Variants in IDE observed in about 807,000 individuals in gnomAD.
The protein encoded by IDE is insulin-degrading enzyme.
In IDE, 58 loss-of-function variants were observed where a neutral mutation model predicts 133.2. The ratio of observed to expected loss-of-function variants is 0.44; its 90% CI spans 0.35 to 0.54. The LOEUF (loss-of-function observed/expected upper bound fraction) is 0.54. IDE is among the 20% of genes least tolerant of loss of function. IDE has a pLI of 0.00. For missense variants in IDE, 981 were observed against 1,234.0 expected (o/e 0.79, Z 3.07); for synonymous variants, 396 against 421.3 (o/e 0.94, Z 0.73).
chr10:92,545,961 G>A (rs559790554), intron 1 of IDE, among the ~76,000 whole-genome samples: 1 of 152,250 alleles, frequency 6.6e-6, no homozygotes, highest in African/African-American at 2.4e-5. Context: ...GCATTTATAT[G>A]TTCATAGCAA....
intron 2 of IDE, among the ~76,000 whole-genome samples, chr10:92,536,189 C>CCTGG (rs1564659175): frequency 1.3e-5 from 2 of 151,628 alleles, no homozygotes; most frequent in Admixed American, 6.6e-5. Flanking sequence ...TCGAGACCAG[C>CCTGG]CTGGCCAACG....
intron 1 of IDE, among the ~76,000 whole-genome samples, chr10:92,546,422 G>A (rs1842536105): frequency 6.6e-6 from 1 of 152,092 alleles, no homozygotes; most frequent in South Asian, 2.1e-4. Context: ...TAAAATAAAA[G>A]GAAGGGGGAG....
chr10:92,570,054 G>A (rs2135852482), intron 1 of IDE, among the ~76,000 whole-genome samples: 1 of 151,850 alleles, frequency 6.6e-6, no homozygotes, highest in South Asian at 2.1e-4. Context: ...AAGTTGCAGT[G>A]AGCCAAGATC....
At chr10:92,490,764 G>A (rs75241628) in intron 11 of IDE, among the ~76,000 whole-genome samples, 169 bp from the exon 12 acceptor site, 5,909 of 152,138 alleles carry the variant, frequency 0.039, 183 homozygotes, top group Middle Eastern at 0.088. Context: ...ATGAATAGAG[G>A]TTTCTGATCA....
intron 1 of IDE, among the ~76,000 whole-genome samples, chr10:92,554,134 C>T (rs1230518418): frequency 6.6e-6 from 1 of 152,168 alleles, no homozygotes. Context: ...TCACCTTGAT[C>T]AAGTGAGATT....
chr10:92,527,308 T>A (rs1221531145), intron 4 of IDE, among the ~76,000 whole-genome samples: 2 of 152,200 alleles, frequency 1.3e-5, no homozygotes, highest in Non-Finnish European at 2.9e-5. Flanking sequence ...TCTACTTGTA[T>A]CTTCATGCAC....
chr10:92,475,052 A>C (rs35223317), intron 16 of IDE, 91 bp from the exon 17 acceptor site: 19,381 of 955,436 alleles, frequency 0.02, 253 homozygotes, highest in Admixed American at 0.058. Context: ...ATTCTCTATA[A>C]ACTGTATTAC....
At chr10:92,513,685 C>G (rs1327778134) in intron 5 of IDE, among the ~76,000 whole-genome samples, 1 of 149,972 alleles carries the variant, frequency 6.7e-6, no homozygotes, top group Non-Finnish European at 1.5e-5. Context: ...GTTATATATG[C>G]ACATATAAGA....
At chr10:92,540,680 G>A (rs145542513) in intron 1 of IDE, among the ~76,000 whole-genome samples, 2 of 152,028 alleles carry the variant, frequency 1.3e-5, no homozygotes, top group East Asian at 3.9e-4. Flanking sequence ...TGATGATGAT[G>A]GTCTAAAACT....
At chr10:92,535,826 G>A (rs952599114) in intron 2 of IDE, among the ~76,000 whole-genome samples, 1 of 151,952 alleles carries the variant, frequency 6.6e-6, no homozygotes, top group Non-Finnish European at 1.5e-5. Context: ...ATCTGAGGTC[G>A]GGAGTTTGAG....
At chr10:92,515,150 T>C (rs1260200948) in intron 4 of IDE, 108 bp from the exon 5 acceptor site, 65 of 843,880 alleles carry the variant, frequency 7.7e-5, no homozygotes, top group Non-Finnish European at 5.6e-6. Context: ...AATAAAGTTC[T>C]AATACACAGA....
chr10:92,504,680 T>C (rs967054908), intron 11 of IDE, 114 bp downstream of exon 11: 92 of 652,620 alleles, frequency 1.4e-4, no homozygotes, highest in Admixed American at 5.8e-4. Context: ...TCTCTACTTT[T>C]GTAATGCTTG....
chr10:92,465,117 G>C (rs1845606359), intron 20 of IDE, among the ~76,000 whole-genome samples: 1 of 152,166 alleles, frequency 6.6e-6, no homozygotes, highest in Non-Finnish European at 1.5e-5. Flanking sequence ...AGCACAATGG[G>C]TATTTAAACA....
intron 8 of IDE, 145 bp downstream of exon 8, chr10:92,507,968 T>C: frequency 1.5e-6 from 1 of 666,356 alleles, no homozygotes; most frequent in Non-Finnish European, 2.6e-6. Flanking sequence ...AAGGCCAAGT[T>C]ACATATGAAA....
chr10:92,570,045 A>G (rs534952610), intron 1 of IDE, among the ~76,000 whole-genome samples: 2 of 152,118 alleles, frequency 1.3e-5, no homozygotes, highest in Non-Finnish European at 2.9e-5. Flanking sequence ...GGGAGGTGGA[A>G]GTTGCAGTGA....
chr10:92,461,091 T>C, intron 22 of IDE, 100 bp downstream of exon 22: 2 of 614,936 alleles, frequency 3.3e-6, no homozygotes, highest in Non-Finnish European at 3.0e-6. Context: ...TCCTTCCACC[T>C]TGGCCTCCCA....
intron 13 of IDE, 89 bp downstream of exon 13, chr10:92,487,107 A>G (rs1847042382): frequency 1.2e-5 from 16 of 1,305,194 alleles, no homozygotes; most frequent in Non-Finnish European, 1.7e-5. Context: ...CCAAATCAAC[A>G]TAGTACCAAA....
At chr10:92,524,451 A>AT (rs1263838813) in intron 4 of IDE, among the ~76,000 whole-genome samples, 3 of 49,632 alleles carry the variant, frequency 6.0e-5, no homozygotes, top group East Asian at 8.2e-4. Flanking sequence ...TATATTTTAT[A>AT]TATTATATAT....
intron 19 of IDE, among the ~76,000 whole-genome samples, chr10:92,468,490 T>C (rs1057088198): frequency 3.3e-5 from 5 of 152,252 alleles, no homozygotes; most frequent in Middle Eastern, 3.2e-3. Flanking sequence ...ACCTGTGGGT[T>C]TCCTAAAACT....
Sources: gnomAD v4.1 joint callset for allele counts (sites outside exome capture counted in the v4.1 genomes callset) on GRCh38, gnomAD v4.1.1 for gene constraint, MANE v1.5 for transcripts, NCBI Gene and HGNC (gene_info 2026-07-23, HGNC 2026-07-21) for gene names.